FTCDNL1: variants seen among roughly 807,000 people sequenced by gnomAD.
FTCDNL1 encodes formiminotransferase cyclodeaminase N-terminal like, also known as formiminotransferase N-terminal subdomain-containing protein.
FTCDNL1 carries 11 observed loss-of-function variants against 5.9 expected under a neutral mutation model. That is an observed-to-expected ratio of 1.87 (90% confidence interval 1.18 to 3.10). The LOEUF (loss-of-function observed/expected upper bound fraction) is 3.10. FTCDNL1 is among the 30% of genes most tolerant of loss of function. The pLI, the probability that FTCDNL1 is intolerant of heterozygous loss-of-function variation, is 0.00. For synonymous variants in FTCDNL1, 58 were observed against 24.8 expected, an observed-to-expected ratio of 2.34 and a Z score of -3.99; for missense variants, 115 against 65.5, an observed-to-expected ratio of 1.76 and a Z score of -2.61.
chr2:199,786,334 A>C (rs536269913), intron 3 of FTCDNL1, among the ~76,000 whole-genome samples: 22 of 151,822 alleles, frequency 1.4e-4, no homozygotes, highest in Non-Finnish European at 3.1e-4. Context: ...GTTTATATAT[A>C]TATATTGGGG....
chr2:199,671,345 C>T, the FTCDNL1 span, among the ~76,000 whole-genome samples: 4,982 of 151,860 alleles, frequency 0.033, 108 homozygotes, highest in Non-Finnish European at 0.051. Flanking sequence ...TGGAAGCCAC[C>T]CCAAGAAGCA....
At chr2:199,704,887 C>T in the FTCDNL1 span, among the ~76,000 whole-genome samples, 1 of 152,102 alleles carries the variant, frequency 6.6e-6, no homozygotes, top group Non-Finnish European at 1.5e-5. Flanking sequence ...AATCTTTAGG[C>T]AAAATATGCT....
intron 3 of FTCDNL1, chr2:199,760,902 C>T (rs1389203689): frequency 1.4e-6 from 1 of 701,040 alleles, no homozygotes; most frequent in Non-Finnish European, 2.6e-6. Flanking sequence ...TACCCCTCTC[C>T]ACTCAACCCC....
At chr2:199,769,045 T>A (rs1287554935) in intron 3 of FTCDNL1, among the ~76,000 whole-genome samples, 1 of 152,094 alleles carries the variant, frequency 6.6e-6, no homozygotes, top group African/African-American at 2.4e-5. Flanking sequence ...CATGTGTGAT[T>A]TCTCTTCCCA....
chr2:199,806,162 A>G (rs1462981556), downstream of FTCDNL1, among the ~76,000 whole-genome samples: 1 of 152,190 alleles, frequency 6.6e-6, no homozygotes. Context: ...TACACATTGG[A>G]GAAGCATTCT....
chr2:199,729,627 T>C, the FTCDNL1 span, among the ~76,000 whole-genome samples: 3 of 152,042 alleles, frequency 2.0e-5, no homozygotes, highest in Non-Finnish European at 2.9e-5. Flanking sequence ...ATAAAATACC[T>C]AGGAATACAA....
intron 3 of FTCDNL1, among the ~76,000 whole-genome samples, chr2:199,795,253 T>G (rs1353620588): frequency 6.6e-6 from 1 of 152,176 alleles, no homozygotes; most frequent in Admixed American, 6.5e-5. Flanking sequence ...AATTTGTCTT[T>G]TACCCACTTG....
At chr2:199,795,618 T>A (rs1030646940) in intron 3 of FTCDNL1, among the ~76,000 whole-genome samples, 2 of 152,166 alleles carry the variant, frequency 1.3e-5, no homozygotes, top group African/African-American at 4.8e-5. Flanking sequence ...ACACAGTAGA[T>A]CAACAAATAT....
chr2:199,800,625 C>T (rs572668208), intron 3 of FTCDNL1, among the ~76,000 whole-genome samples: 1 of 152,168 alleles, frequency 6.6e-6, no homozygotes. Context: ...TTTATGGCTA[C>T]TCTTTTGTCA....
chr2:199,752,740 C>CTCTCTG, the FTCDNL1 span, among the ~76,000 whole-genome samples: 2 of 30,622 alleles, frequency 6.5e-5, no homozygotes, highest in African/African-American at 9.4e-5. Flanking sequence ...CTCTCTCTCT[C>CTCTCTG]TGTGTGTGTG....
intron 2 of FTCDNL1, among the ~76,000 whole-genome samples, chr2:199,846,791 T>G (rs2076744197): frequency 6.6e-6 from 1 of 152,194 alleles, no homozygotes; most frequent in Non-Finnish European, 1.5e-5. Context: ...AAAGCTGACA[T>G]TCCCTTGTGT....
the FTCDNL1 span, among the ~76,000 whole-genome samples, chr2:199,676,926 T>G: frequency 6.6e-6 from 1 of 152,106 alleles, no homozygotes; most frequent in African/African-American, 2.4e-5. Context: ...AAAAACCCAT[T>G]TGGGTTTTTT....
chr2:199,682,876 A>T, the FTCDNL1 span, among the ~76,000 whole-genome samples: 1 of 152,204 alleles, frequency 6.6e-6, no homozygotes, highest in Non-Finnish European at 1.5e-5. Flanking sequence ...TCATCATCGA[A>T]TGATTAACAG....
At chr2:199,686,286 C>A in the FTCDNL1 span, among the ~76,000 whole-genome samples, 3 of 152,174 alleles carry the variant, frequency 2.0e-5, no homozygotes, top group Non-Finnish European at 4.4e-5. Flanking sequence ...TCCTGGAGTG[C>A]AGTTGGGCTT....
Position 199,811,472 on chromosome 2 carries a change from A to G in FTCDNL1, c.*1233T>C, listed in dbSNP as rs887102460. Among the ~76,000 whole-genome samples, 18 of 152,228 alleles carry G rather than the reference A, an allele frequency of 1.2e-4. No homozygotes were observed. The highest frequency in any genetic ancestry group is 4.3e-4 in the African/African-American group (18 of 41,460). Reference sequence around the variant, plus strand: ...CAGGTTTTGCTGAAGAGTATATAACACTGGGGGTTACATCAGCATGACTAT... The same window carrying G: ...CAGGTTTTGCTGAAGAGTATATAACGCTGGGGGTTACATCAGCATGACTAT... On this transcript the variant is annotated 3_prime_UTR_variant, in exon 5 of 5. Transcript: ENST00000420128.
At chr2:199,760,641 C>A (rs377115781) in exon 4 of FTCDNL1, 3 of 551,358 alleles carry the variant, frequency 5.4e-6, no homozygotes, top group Admixed American at 2.8e-5. Context: ...ATGCAATATA[C>A]CCTCTATTTA....
chr2:199,723,791 T>C, the FTCDNL1 span, among the ~76,000 whole-genome samples: 1 of 152,156 alleles, frequency 6.6e-6, no homozygotes, highest in Admixed American at 6.5e-5. Flanking sequence ...TTTGCCAGTA[T>C]TTTACTAAGG....
At chr2:199,843,067 T>C (rs2106634100) in intron 3 of FTCDNL1, among the ~76,000 whole-genome samples, 1 of 152,338 alleles carries the variant, frequency 6.6e-6, no homozygotes, top group South Asian at 2.1e-4. Context: ...TATAGGACTG[T>C]TTTTAATCAG....
At chr2:199,808,854 A>C (rs1700869053), downstream of FTCDNL1, among the ~76,000 whole-genome samples, 2 of 152,208 alleles carry the variant, frequency 1.3e-5, no homozygotes, top group South Asian at 2.1e-4. Context: ...TTCATAGCTA[A>C]TGAAATTATG....
Sources: gnomAD v4.1 joint callset for allele counts (sites outside exome capture counted in the v4.1 genomes callset) on GRCh38, gnomAD v4.1.1 for gene constraint, MANE v1.5 for transcripts, NCBI Gene and HGNC (gene_info 2026-07-23, HGNC 2026-07-21) for gene names.